Variants in SH3BP4 observed in about 807,000 individuals in gnomAD.
SH3BP4 encodes the protein SH3 domain binding protein 4.
SH3BP4 carries 33 observed loss-of-function variants against 65.5 expected under a neutral mutation model. That is an observed-to-expected ratio of 0.50 (90% confidence interval 0.38 to 0.67). SH3BP4 has a LOEUF of 0.67. Ranked by LOEUF, SH3BP4 falls within the 30% of genes least tolerant of loss-of-function variation. The pLI is 0.00. For missense variants in SH3BP4, 1,134 were observed against 1,261.4 expected, an observed-to-expected ratio of 0.90 and a Z score of 1.53; for synonymous variants, 552 against 545.5, an observed-to-expected ratio of 1.01 and a Z score of -0.17.
intron 2 of SH3BP4, among the ~76,000 whole-genome samples, chr2:235,032,651 G>C (rs1337393918): frequency 1.3e-5 from 2 of 152,148 alleles, no homozygotes; most frequent in Non-Finnish European, 2.9e-5. Flanking sequence ...CCTTCATCCA[G>C]CTCTACACGC....
At chr2:235,011,102 ACTCTCCTAGGAGAACCCTTCCTCC>A (rs763850423) in intron 2 of SH3BP4, among the ~76,000 whole-genome samples, 7,070 of 62,090 alleles carry the variant, frequency 0.11, 646 homozygotes, top group East Asian at 0.24. Flanking sequence ...ACCCTTCCTT[ACTCTCCTAGGAGAACCCTTCCTCC>A]CTCTCCTAGG....
chr2:235,048,384 G>A (rs1453417070), intron 4 of SH3BP4, among the ~76,000 whole-genome samples: 5 of 152,152 alleles, frequency 3.3e-5, no homozygotes, highest in Admixed American at 6.5e-5. Context: ...AGGCGGGAGT[G>A]CAGTGGTGTG....
intron 1 of SH3BP4, among the ~76,000 whole-genome samples, chr2:234,987,116 G>T (rs1213648881): frequency 6.6e-6 from 1 of 152,146 alleles, no homozygotes; most frequent in Non-Finnish European, 1.5e-5. Flanking sequence ...CTGGGAGCAT[G>T]TTAGAAATGC....
chr2:235,043,086 G>A lies in SH3BP4; in HGVS notation c.2317G>A (p.Ala773Thr), dbSNP rs866960821. 4.3e-6 allele frequency: 7 copies of A among 1,613,434 alleles called. No homozygotes were observed. The highest frequency in any genetic ancestry group is 1.7e-4 in the Middle Eastern group (1 of 6,060). ...MENISSWRSF[A>T]DALGYVNLPL... ...GAACATCAGCAGCTGGCGCTCCTTC[G>A]CTGACGCCCTGGGCTACGTGAACCT... The change falls in exon 4 of 6, where the codon GCT (alanine) becomes ACT (threonine). Residue 773 changes from alanine (A) to threonine (T), a missense_variant. Transcript: ENST00000392011.
At position 235,017,150 on chromosome 2, in the gene SH3BP4, A is replaced by G. The variant is rs530411309; in HGVS notation, c.-132-17721A>G. 1.6e-4 allele frequency among the ~76,000 whole-genome samples: 24 copies of G among 146,712 alleles called. No individual in the cohort carries two copies. In the South Asian group the frequency reaches 3.2e-3, roughly 20 times the overall value. On this transcript the variant is annotated intron_variant, in intron 2 of 5. Coordinates refer to ENST00000392011, the MANE Select transcript of SH3BP4 (RefSeq NM_014521.3). ...TTGGTAAAATACTTTAAGACTTAAT[A>G]TATTCACATTTCTCGTATTTTAAAA... is the stretch of plus-strand genomic sequence containing the variant.
Position 234,967,421 on chromosome 2 carries a change from C to G in SH3BP4, c.-207+15251C>G, listed in dbSNP as rs983230920. On this transcript the variant is annotated intron_variant, in intron 1 of 5. Coordinates refer to ENST00000392011, the MANE Select transcript of SH3BP4 (RefSeq NM_014521.3). The surrounding 1 kb of genome is among the most constrained non-coding windows in gnomAD (Gnocchi z 4.6). The stretch of plus-strand genomic sequence containing the variant: ...CTCCTTGGAGGATGAGGGGAAGGCC[C>G]TAACACCAAGAGGGTGTGGAGCTGC... Among the ~76,000 whole-genome samples, 1 of 152,072 alleles carries G rather than the reference C, an allele frequency of 6.6e-6. No homozygotes were observed. Among genetic ancestry groups the G allele is most frequent in the Non-Finnish European group, 1.5e-5 (1 of 68,002 alleles).
intron 2 of SH3BP4, among the ~76,000 whole-genome samples, chr2:235,001,472 G>A (rs553999152): frequency 4.0e-4 from 61 of 152,290 alleles, no homozygotes; most frequent in African/African-American, 1.3e-3. Context: ...CAGCTGAAAC[G>A]GAGATGACAC....
At chr2:235,020,691 C>T (rs369047528) in intron 2 of SH3BP4, among the ~76,000 whole-genome samples, 1 of 152,342 alleles carries the variant, frequency 6.6e-6, no homozygotes, top group African/African-American at 2.4e-5. Flanking sequence ...GTTACTACTA[C>T]AGCTAGTAGT....
chr2:235,002,588 G>A (rs946291290), intron 2 of SH3BP4, among the ~76,000 whole-genome samples: 1 of 152,180 alleles, frequency 6.6e-6, no homozygotes, highest in Non-Finnish European at 1.5e-5. Flanking sequence ...TTAGCCAGTC[G>A]TGCTGGTGAC....
intron 2 of SH3BP4, among the ~76,000 whole-genome samples, chr2:235,004,776 C>T (rs550128328): frequency 1.5e-4 from 23 of 152,238 alleles, no homozygotes; most frequent in African/African-American, 4.1e-4. Context: ...CACTTTCATT[C>T]GTTGATGGAC....
At position 235,041,423 on chromosome 2, in the gene SH3BP4, T is replaced by A; in HGVS notation, c.654T>A (p.Asp218Glu). The A allele has an allele frequency of 6.2e-7, 1 of 1,614,210 alleles. No individual in the cohort carries two copies. Among genetic ancestry groups the A allele is most frequent in the South Asian group, 1.1e-5 (1 of 91,084 alleles). Residue 218 changes from aspartate to glutamate, a missense_variant, in exon 4 of 6, where the codon GAT becomes GAA. Transcript: ENST00000392011. The surrounding 1 kb of genome is among the most constrained non-coding windows in gnomAD (Gnocchi z 6.0). ...CGAATAGCACTGGCAACATCTTCGATGAGCTTCCAGTCACAAACGGACTCC... is the reference window on the plus strand; with the variant it reads ...CGAATAGCACTGGCAACATCTTCGAAGAGCTTCCAGTCACAAACGGACTCC... ...ATTNSTGNIF[D>E]ELPVTNGLHA...
chr2:234,954,101 C>T (rs1478162927), intron 1 of SH3BP4, among the ~76,000 whole-genome samples: 1 of 151,992 alleles, frequency 6.6e-6, no homozygotes, highest in Non-Finnish European at 1.5e-5. Flanking sequence ...GTATGGCTCA[C>T]TTGTTTACTA....
chr2:235,031,971 C>T (rs1695217112), intron 2 of SH3BP4, among the ~76,000 whole-genome samples: 1 of 152,268 alleles, frequency 6.6e-6, no homozygotes, highest in Non-Finnish European at 1.5e-5. Flanking sequence ...TGTTAACCCT[C>T]CATGAAATAA....
intron 4 of SH3BP4, among the ~76,000 whole-genome samples, chr2:235,049,732 T>A (rs1478779083): frequency 2.6e-5 from 4 of 152,242 alleles, no homozygotes; most frequent in Non-Finnish European, 5.9e-5. Context: ...TGAAGCATAA[T>A]CCAGACCGGT....
chr2:235,002,834 T>C (rs1694174394), intron 2 of SH3BP4, among the ~76,000 whole-genome samples: 1 of 152,200 alleles, frequency 6.6e-6, no homozygotes, highest in South Asian at 2.1e-4. Context: ...GCAGATGGGC[T>C]GGGTTCAGAT....
At chr2:235,002,213 G>A (rs532113001) in intron 2 of SH3BP4, among the ~76,000 whole-genome samples, 1 of 152,318 alleles carries the variant, frequency 6.6e-6, no homozygotes, top group East Asian at 1.9e-4. Context: ...CAGATTTGGC[G>A]AAGAGGAAGC....
At position 235,054,936 on chromosome 2, in the gene SH3BP4, G is replaced by A. The variant is rs144195663; in HGVS notation, c.*1120G>A. On this transcript the variant is annotated 3_prime_UTR_variant, in exon 6 of 6. Transcript: ENST00000392011. ...CTTCCTGGTGTACCTGTGTCTCCTC[G>A]GAAGGAAGTCATAGTTTAGATGAAA... 4 of 152,266 alleles carry A rather than the reference G, an allele frequency of 2.6e-5. No individual in the cohort carries two copies. Among genetic ancestry groups the A allele is most frequent in the South Asian group, 2.1e-4 (1 of 4,804 alleles). The allele number at this position is 152,266 out of a possible 1,614,324, so 9.4% of individuals were successfully genotyped here.
chr2:235,047,791 G>A (rs1044982896), intron 4 of SH3BP4, among the ~76,000 whole-genome samples: 6 of 152,158 alleles, frequency 3.9e-5, no homozygotes, highest in East Asian at 1.9e-4. Context: ...ACCTGGAGCC[G>A]TCGGTGATGG....
intron 1 of SH3BP4, among the ~76,000 whole-genome samples, chr2:234,993,804 G>A (rs1693828176): frequency 6.6e-6 from 1 of 152,226 alleles, no homozygotes; most frequent in South Asian, 2.1e-4. Context: ...GGATGGCGGC[G>A]TCCTGCCTTC....
Sources: gnomAD v4.1 joint callset for allele counts (sites outside exome capture counted in the v4.1 genomes callset) on GRCh38, gnomAD v4.1.1 for gene constraint, Gnocchi (gnomAD v3.1) non-coding constraint, MANE v1.5 for transcripts, NCBI Gene and HGNC (gene_info 2026-07-23, HGNC 2026-07-21) for gene names.